Variants in NRXN3 observed in about 807,000 individuals in gnomAD.
NRXN3 encodes the protein neurexin III.
Under a neutral mutation model 137.6 loss-of-function variants are expected in NRXN3, and 32 were observed. The ratio of observed to expected loss-of-function variants is 0.23; its 90% confidence interval spans 0.18 to 0.31. NRXN3 has a LOEUF of 0.31. Among genes scored for constraint, NRXN3 ranks in the 10% least tolerant of loss-of-function variants. The pLI is 1.00. For missense variants in NRXN3, 1,574 were observed against 2,062.5 expected (o/e 0.76, Z 4.59); for synonymous variants, 798 against 784.5 (o/e 1.02, Z -0.29).
Position 79,441,852 on chromosome 14 carries a change from AAAAC to A in NRXN3, c.3263-25360_3263-25357del, listed in dbSNP as rs140675077. Among the ~76,000 whole-genome samples the A allele has an allele frequency of 9.0e-3, 1,298 of 143,704 alleles. 25 individuals carry two copies. In the East Asian group the frequency reaches 0.093, roughly 10 times the overall value. The allele number at this position is 143,704 out of a possible 152,430, so 94.3% of individuals were successfully genotyped here. A position where few individuals can be genotyped will look rare whatever the true frequency, so the allele number is the denominator to read the frequency against. On this transcript the variant is annotated intron_variant, in intron 15 of 20. Coordinates refer to ENST00000335750, the MANE Select transcript of NRXN3 (RefSeq NM_001330195.2). ...TCAATAAGATGGAAGCAAACTTTAA[AAAAC>A]AAACAAACGACAAAAAAAAAAACTG...
intron 15 of NRXN3, among the ~76,000 whole-genome samples, chr14:79,038,947 A>G (rs2099620722): frequency 6.6e-6 from 1 of 152,160 alleles, no homozygotes; most frequent in Non-Finnish European, 1.5e-5. Flanking sequence ...GCCATCTTTA[A>G]TGAGTGTAGG....
intron 4 of NRXN3, among the ~76,000 whole-genome samples, chr14:78,385,566 T>A (rs565518058): frequency 9.9e-5 from 15 of 152,278 alleles, no homozygotes; most frequent in African/African-American, 2.9e-4. Flanking sequence ...TTATGATGAA[T>A]GTGCCTTATT....
intron 4 of NRXN3, among the ~76,000 whole-genome samples, chr14:78,500,298 G>C (rs1056399025): frequency 1.5e-4 from 23 of 152,110 alleles, no homozygotes; most frequent in South Asian, 2.1e-4. Context: ...TTCCATGAAT[G>C]AATGCTACAG....
At chr14:79,429,763 T>C (rs1187379120) in intron 15 of NRXN3, among the ~76,000 whole-genome samples, 1 of 152,152 alleles carries the variant, frequency 6.6e-6, no homozygotes, top group East Asian at 1.9e-4. Context: ...CAGAAAACAC[T>C]TTCCCTACTT....
intron 16 of NRXN3, among the ~76,000 whole-genome samples, chr14:79,473,463 A>C (rs1325126063): frequency 1.3e-5 from 2 of 152,180 alleles, no homozygotes; most frequent in African/African-American, 2.4e-5. Flanking sequence ...GGATATTTAC[A>C]GTAAACGATC....
At chr14:79,545,302 A>G (rs752474550) in intron 16 of NRXN3, among the ~76,000 whole-genome samples, 3 of 152,164 alleles carry the variant, frequency 2.0e-5, no homozygotes, top group Non-Finnish European at 4.4e-5. Context: ...CTCGGGAACA[A>G]TCTACTTCCT....
intron 4 of NRXN3, among the ~76,000 whole-genome samples, chr14:78,375,937 A>G (rs1028857764): frequency 6.6e-6 from 1 of 152,050 alleles, no homozygotes; most frequent in Non-Finnish European, 1.5e-5. Context: ...ATAAATCTAC[A>G]TGGTTCAGTG....
chr14:79,390,405 C>CT (rs1217813320), intron 15 of NRXN3, among the ~76,000 whole-genome samples: 1 of 151,928 alleles, frequency 6.6e-6, no homozygotes, highest in African/African-American at 2.4e-5. Flanking sequence ...TATCTTCATC[C>CT]TTCAGGCCAT....
chr14:78,609,341 A>G (rs2097280147), intron 4 of NRXN3, among the ~76,000 whole-genome samples: 1 of 152,164 alleles, frequency 6.6e-6, no homozygotes, highest in Non-Finnish European at 1.5e-5. Flanking sequence ...TAGGAAAGTA[A>G]AGCCAGGATT....
intron 15 of NRXN3, among the ~76,000 whole-genome samples, chr14:79,361,423 A>G (rs1445000563): frequency 6.6e-6 from 1 of 152,184 alleles, no homozygotes; most frequent in Non-Finnish European, 1.5e-5. Context: ...ACAATTGATT[A>G]CAAAGTTTAT....
chr14:78,786,773 C>A (rs1308007457), intron 8 of NRXN3, among the ~76,000 whole-genome samples: 1 of 152,116 alleles, frequency 6.6e-6, no homozygotes, highest in African/African-American at 2.4e-5. Flanking sequence ...ATTTAATCAT[C>A]TGTTTCACAA....
chr14:78,296,589 G>GT (rs1443043097), intron 3 of NRXN3, among the ~76,000 whole-genome samples: 6 of 152,058 alleles, frequency 3.9e-5, no homozygotes, highest in Non-Finnish European at 7.3e-5. Context: ...TCATTCTTCC[G>GT]TGAGTATTTA....
intron 16 of NRXN3, among the ~76,000 whole-genome samples, chr14:79,607,889 T>C (rs1157686629): frequency 2.0e-5 from 3 of 152,112 alleles, no homozygotes; most frequent in Non-Finnish European, 4.4e-5. Flanking sequence ...CAGGCTGGTC[T>C]AGAACTCCTA....
chr14:78,561,934 T>C lies in NRXN3; in HGVS notation c.758-83186T>C, dbSNP rs181635351. Among the ~76,000 whole-genome samples, 339 of 152,314 alleles carry C rather than the reference T, an allele frequency of 2.2e-3. 1 individual carries two copies. The highest frequency in any genetic ancestry group is 7.6e-3 in the African/African-American group (318 of 41,570). ...AAAATAGGAAAACAGTAGTACGTTG[T>C]GATGGATTGTATTTTTCAAAGAAAG... On this transcript the variant is annotated intron_variant, in intron 4 of 20. Coordinates refer to ENST00000335750, the MANE Select transcript of NRXN3 (RefSeq NM_001330195.2).
chr14:79,006,807 T>C (rs537275878), intron 15 of NRXN3, among the ~76,000 whole-genome samples: 3 of 152,276 alleles, frequency 2.0e-5, no homozygotes, highest in Non-Finnish European at 4.4e-5. Context: ...CTTGGTTGTG[T>C]GTGGCTAGGA....
chr14:79,582,405 T>C (rs751404329), intron 16 of NRXN3, among the ~76,000 whole-genome samples: 1 of 151,906 alleles, frequency 6.6e-6, no homozygotes, highest in Non-Finnish European at 1.5e-5. Flanking sequence ...GTTTTGTTTA[T>C]AGCTTGCAGT....
intron 4 of NRXN3, among the ~76,000 whole-genome samples, chr14:78,365,197 A>AT (rs1012580595): frequency 6.6e-6 from 1 of 151,708 alleles, no homozygotes; most frequent in East Asian, 1.9e-4. Flanking sequence ...GGCTCTGTAT[A>AT]TTTTTTTTGG....
intron 10 of NRXN3, among the ~76,000 whole-genome samples, chr14:78,826,088 G>A (rs1324381355): frequency 6.6e-6 from 1 of 152,132 alleles, no homozygotes; most frequent in Non-Finnish European, 1.5e-5. Context: ...GTTTTCAATT[G>A]TCACATGTAT....
At chr14:79,696,445 C>A (rs1444612401) in intron 18 of NRXN3, among the ~76,000 whole-genome samples, 2 of 151,782 alleles carry the variant, frequency 1.3e-5, no homozygotes, top group Non-Finnish European at 2.9e-5. Context: ...TATTTAATTC[C>A]ATTAATAAGT....
Sources: gnomAD v4.1 joint callset for allele counts (sites outside exome capture counted in the v4.1 genomes callset) on GRCh38, gnomAD v4.1.1 for gene constraint, MANE v1.5 for transcripts, NCBI Gene and HGNC (gene_info 2026-07-23, HGNC 2026-07-21) for gene names.